ARHGAP10: variants seen among roughly 807,000 people sequenced by gnomAD.
ARHGAP10 encodes rho GTPase-activating protein 10.
In ARHGAP10, 87 loss-of-function variants were observed where a neutral mutation model predicts 108.6. The ratio of observed to expected loss-of-function variants is 0.80; its 90% CI spans 0.67 to 0.96. The LOEUF is 0.96. Among genes scored for constraint, ARHGAP10 ranks in the 40% least tolerant of loss-of-function variants. The pLI is 0.00. For synonymous variants in ARHGAP10, 347 were observed against 341.1 expected, an observed-to-expected ratio of 1.02 and a Z score of -0.19; for missense variants, 939 against 954.5, an observed-to-expected ratio of 0.98 and a Z score of 0.21.
intron 1 of ARHGAP10, among the ~76,000 whole-genome samples, chr4:147,736,535 G>A (rs1004140517): frequency 2.0e-5 from 3 of 152,144 alleles, no homozygotes; most frequent in Non-Finnish European, 2.9e-5. Context: ...ATAAAATGGT[G>A]TGAAAGTGTT....
At chr4:148,040,244 T>A (rs1728572482) in intron 19 of ARHGAP10, among the ~76,000 whole-genome samples, 1 of 152,354 alleles carries the variant, frequency 6.6e-6, no homozygotes, top group South Asian at 2.1e-4. Flanking sequence ...GGAGGGCTTC[T>A]CCCAGTCCCT....
chr4:147,752,894 A>G (rs893545935), intron 1 of ARHGAP10, among the ~76,000 whole-genome samples: 2 of 152,186 alleles, frequency 1.3e-5, no homozygotes, highest in Admixed American at 6.5e-5. Context: ...CTGTGTTGCC[A>G]TTTTATTTTC....
At chr4:147,795,647 A>T (rs1487671536) in intron 1 of ARHGAP10, among the ~76,000 whole-genome samples, 1 of 151,736 alleles carries the variant, frequency 6.6e-6, no homozygotes, top group Non-Finnish European at 1.5e-5. Context: ...CTGGATGAGG[A>T]GCTGCTGGAG....
intron 1 of ARHGAP10, among the ~76,000 whole-genome samples, chr4:147,752,517 T>A (rs1306254025): frequency 6.6e-6 from 1 of 152,188 alleles, no homozygotes; most frequent in African/African-American, 2.4e-5. Flanking sequence ...GGTACACAGG[T>A]TTAATCTGTA....
chr4:147,975,515 T>C (rs191987475), intron 18 of ARHGAP10, among the ~76,000 whole-genome samples: 1 of 152,330 alleles, frequency 6.6e-6, no homozygotes, highest in African/African-American at 2.4e-5. Flanking sequence ...AAGCCCAAGG[T>C]TGATGAGCTG....
At chr4:147,879,734 C>T (rs1293453723) in intron 9 of ARHGAP10, among the ~76,000 whole-genome samples, 1 of 152,040 alleles carries the variant, frequency 6.6e-6, no homozygotes, top group East Asian at 1.9e-4. Context: ...GTGATGTTCC[C>T]CTCCCTGTGT....
chr4:148,063,782 C>T (rs140032777), intron 21 of ARHGAP10, among the ~76,000 whole-genome samples: 89 of 152,302 alleles, frequency 5.8e-4, no homozygotes, highest in African/African-American at 2.1e-3. Context: ...TGAGGTGAGG[C>T]GTTTCCTTTG....
At chr4:147,733,522 A>G (rs138530554) in intron 1 of ARHGAP10, among the ~76,000 whole-genome samples, 265 of 152,214 alleles carry the variant, frequency 1.7e-3, no homozygotes, top group African/African-American at 5.9e-3. Context: ...CTAGATTCTC[A>G]GTTCAGTAAT....
chr4:148,021,001 A>G (rs1370940751), intron 18 of ARHGAP10, among the ~76,000 whole-genome samples: 1 of 152,238 alleles, frequency 6.6e-6, no homozygotes, highest in Non-Finnish European at 1.5e-5. Context: ...ACTGTTTCTT[A>G]GTCTTGGCTA....
intron 1 of ARHGAP10, among the ~76,000 whole-genome samples, chr4:147,794,531 C>G (rs1389425210): frequency 1.3e-5 from 2 of 152,294 alleles, no homozygotes; most frequent in East Asian, 3.9e-4. Flanking sequence ...AACATATACA[C>G]ACTCGACAAG....
At chr4:148,046,760 G>T in intron 19 of ARHGAP10, 132 bp from the exon 20 acceptor site, 1 of 864,960 alleles carries the variant, frequency 1.2e-6, no homozygotes, top group Non-Finnish European at 1.7e-6. Context: ...AGGACACCCA[G>T]ATACTGTCAG....
At chr4:147,893,168 C>T (rs923358655) in intron 10 of ARHGAP10, among the ~76,000 whole-genome samples, 1 of 151,958 alleles carries the variant, frequency 6.6e-6, no homozygotes, top group African/African-American at 2.4e-5. Flanking sequence ...TAGCGATTCT[C>T]CTGCCTCAGC....
At chr4:147,785,546 A>G (rs949373126) in intron 1 of ARHGAP10, among the ~76,000 whole-genome samples, 3 of 152,160 alleles carry the variant, frequency 2.0e-5, no homozygotes, top group African/African-American at 4.8e-5. Flanking sequence ...TATGTATATG[A>G]TATCTAGGAC....
At chr4:148,028,843 A>G (rs1727997407) in intron 19 of ARHGAP10, among the ~76,000 whole-genome samples, 1 of 152,220 alleles carries the variant, frequency 6.6e-6, no homozygotes, top group Non-Finnish European at 1.5e-5. Flanking sequence ...GGACTTCTCA[A>G]CTGACTAGAT....
intron 3 of ARHGAP10, among the ~76,000 whole-genome samples, chr4:147,829,506 T>C (rs182001386): frequency 3.4e-4 from 51 of 152,024 alleles, no homozygotes; most frequent in African/African-American, 1.2e-3. Flanking sequence ...TGTTTTTGAG[T>C]GAGTAGTTTT....
intron 1 of ARHGAP10, among the ~76,000 whole-genome samples, chr4:147,763,964 A>G (rs1401693421): frequency 2.0e-5 from 3 of 152,054 alleles, no homozygotes; most frequent in African/African-American, 7.2e-5. Context: ...CATGCTGGCC[A>G]GGCTGGTCTC....
chr4:147,746,464 G>A (rs1175965294), intron 1 of ARHGAP10, among the ~76,000 whole-genome samples: 2 of 150,534 alleles, frequency 1.3e-5, no homozygotes, highest in Admixed American at 6.6e-5. Flanking sequence ...GCAGCGGCGC[G>A]ATCTTGGCTC....
chr4:147,984,081 T>G (rs911013343), intron 18 of ARHGAP10, among the ~76,000 whole-genome samples: 2 of 152,178 alleles, frequency 1.3e-5, no homozygotes, highest in Non-Finnish European at 1.5e-5. Flanking sequence ...TATGAGTTCC[T>G]TGGTTGCAGA....
intron 7 of ARHGAP10, among the ~76,000 whole-genome samples, chr4:147,870,766 A>G (rs1030672698): frequency 3.3e-5 from 5 of 152,226 alleles, no homozygotes; most frequent in Admixed American, 3.3e-4. Flanking sequence ...GGAAGAAGAG[A>G]CTAGAATAGA....
Sources: gnomAD v4.1 joint callset for allele counts (sites outside exome capture counted in the v4.1 genomes callset) on GRCh38, gnomAD v4.1.1 for gene constraint, MANE v1.5 for transcripts, NCBI Gene and HGNC (gene_info 2026-07-23, HGNC 2026-07-21) for gene names.